TBC1D8: variants seen among roughly 807,000 people sequenced by gnomAD.
TBC1D8 encodes the protein TBC1 domain family member 8, also known as BUB2-like protein 1.
In TBC1D8, 65 loss-of-function variants were observed where a neutral mutation model predicts 118.8. The ratio of observed to expected loss-of-function variants is 0.55; its 90% CI spans 0.45 to 0.67. TBC1D8 has a LOEUF of 0.67. TBC1D8 is among the 30% of genes least tolerant of loss of function. The pLI, the probability that TBC1D8 is intolerant of heterozygous loss-of-function variation, is 0.00. For missense variants in TBC1D8, 1,376 were observed against 1,471.2 expected, an observed-to-expected ratio of 0.94 and a Z score of 1.06; for synonymous variants, 566 against 595.8, an observed-to-expected ratio of 0.95 and a Z score of 0.73.
chr2:101,061,149 T>C (rs13407160), intron 2 of TBC1D8, among the ~76,000 whole-genome samples: 12,334 of 143,350 alleles, frequency 0.086, 1,507 homozygotes, highest in African/African-American at 0.27. Flanking sequence ...GATCACGCCA[T>C]TGCAATCCAG....
intron 17 of TBC1D8, 26 bp downstream of exon 17, chr2:101,021,655 T>G (rs371295617): frequency 6.6e-7 from 1 of 1,515,318 alleles, no homozygotes; most frequent in South Asian, 1.2e-5. Flanking sequence ...GAGCACAGTC[T>G]GATTTTGCTA....
intron 15 of TBC1D8, chr2:101,024,141 A>G (rs1163205532): frequency 6.6e-6 from 1 of 152,294 alleles, no homozygotes; most frequent in Non-Finnish European, 1.5e-5. Flanking sequence ...GACAAATATT[A>G]GTTTACATAG....
chr2:101,102,042 G>A (rs1385968212), intron 1 of TBC1D8, among the ~76,000 whole-genome samples: 1 of 149,592 alleles, frequency 6.7e-6, no homozygotes, highest in Non-Finnish European at 1.5e-5. Context: ...AAAGAGGAGG[G>A]GAGTGGAGAG....
intron 5 of TBC1D8, among the ~76,000 whole-genome samples, chr2:101,041,421 G>A (rs1314191141): frequency 2.0e-5 from 3 of 152,128 alleles, no homozygotes; most frequent in Non-Finnish European, 4.4e-5. Context: ...ACTGAGTGAA[G>A]TAAACCAGAC....
intron 1 of TBC1D8, among the ~76,000 whole-genome samples, chr2:101,112,623 G>A (rs1031905003): frequency 2.0e-5 from 3 of 152,182 alleles, no homozygotes; most frequent in Non-Finnish European, 4.4e-5. Flanking sequence ...TTCCCTGGAC[G>A]TTGAGGTGCC....
intron 18 of TBC1D8, 69 bp downstream of exon 18, chr2:101,011,382 G>A: frequency 6.6e-7 from 1 of 1,503,852 alleles, no homozygotes; most frequent in South Asian, 1.1e-5. Context: ...GAGGGATGAG[G>A]GCAACCCCGG....
At chr2:101,061,995 G>A (rs944016160) in intron 2 of TBC1D8, among the ~76,000 whole-genome samples, 4 of 152,214 alleles carry the variant, frequency 2.6e-5, no homozygotes, top group Admixed American at 2.6e-4. Context: ...CGTAACACAC[G>A]CCATGCTGGC....
At position 101,040,264 on chromosome 2, in the gene TBC1D8, T is replaced by C. The variant is rs2289953; in HGVS notation, c.994A>G (p.Thr332Ala). Residue 332 changes from threonine (T) to alanine (A), a missense_variant, in exon 6 of 20, where the codon ACG becomes GCG. By Grantham distance (58) the Thr-to-Ala change is moderately conservative (BLOSUM62 0). Coordinates refer to ENST00000409318, the MANE Select transcript of TBC1D8 (RefSeq NM_001330348.2). ...CTGTCAGAGGCGAACATCCGCCCCG[T>C]GGTGTGACAGCGACTGAACGGCGTC... Reference protein sequence around the residue: ...LWTPFSRCHTTGRMFASDSYI... With the variant: ...LWTPFSRCHTAGRMFASDSYI... The C allele has an allele frequency of 0.64, 1,026,974 of 1,613,712 alleles. 332,698 individuals carry two copies. The highest frequency in any genetic ancestry group is 0.69 in the Middle Eastern group (4,155 of 6,058).
At chr2:101,120,090 C>A (rs1395482243) in intron 1 of TBC1D8, among the ~76,000 whole-genome samples, 1 of 152,160 alleles carries the variant, frequency 6.6e-6, no homozygotes, top group Non-Finnish European at 1.5e-5. Flanking sequence ...GACTCCACCA[C>A]CACCAACACC....
intron 2 of TBC1D8, among the ~76,000 whole-genome samples, chr2:101,075,824 T>G (rs77545608): frequency 6.6e-6 from 1 of 152,128 alleles, no homozygotes; most frequent in South Asian, 2.1e-4. Context: ...CAGAAGATGG[T>G]TCAATCTACA....
chr2:101,047,448 C>T (rs76253141), intron 5 of TBC1D8, among the ~76,000 whole-genome samples: 4,886 of 152,278 alleles, frequency 0.032, 215 homozygotes, highest in East Asian at 0.2. Flanking sequence ...AGCCAGGGAG[C>T]GAGCATGAAG....
chr2:101,018,984 TATTTCTGTGCTA>T (rs1462845871), intron 17 of TBC1D8: 2 of 1,611,202 alleles, frequency 1.2e-6, no homozygotes, highest in Non-Finnish European at 1.7e-6. Flanking sequence ...TCATCTGTAA[TATTTCTGTGCTA>T]GTTTCTGTGC....
At chr2:101,127,789 T>G (rs1403553828) in intron 1 of TBC1D8, among the ~76,000 whole-genome samples, 1 of 152,178 alleles carries the variant, frequency 6.6e-6, no homozygotes, top group Non-Finnish European at 1.5e-5. Flanking sequence ...TGGAGGAAGT[T>G]GGTGGAGGAT....
intron 2 of TBC1D8, among the ~76,000 whole-genome samples, chr2:101,075,487 A>G (rs565630974): frequency 6.6e-6 from 1 of 152,200 alleles, no homozygotes; most frequent in African/African-American, 2.4e-5. Flanking sequence ...TAATTCCCAC[A>G]ATTCCCACGT....
rs569408617 is a variant in TBC1D8, at chr2:101,128,905, ATGGTTACCATAGAGGGAGGGAGCAG to A, written c.127+22197_127+22221del. 3.3e-3 allele frequency among the ~76,000 whole-genome samples: 496 copies of A among 152,242 alleles called. 6 individuals carry two copies. Among genetic ancestry groups the A allele is most frequent in the African/African-American group, 0.011 (474 of 41,528 alleles). ...AAATTCAGAGACAGAAAGTAGAATG[ATGGTTACCATAGAGGGAGGGAGCAG>A]TGGTTACCATAGAGGGAGGGAGCAG... On this transcript the variant is annotated intron_variant, in intron 1 of 19. Coordinates refer to ENST00000409318, the MANE Select transcript of TBC1D8 (RefSeq NM_001330348.2).
chr2:101,034,649 G>A (rs761476283), intron 9 of TBC1D8, among the ~76,000 whole-genome samples: 3 of 152,210 alleles, frequency 2.0e-5, no homozygotes, highest in South Asian at 2.1e-4. Flanking sequence ...GTGTGTGCAC[G>A]TGTGTGTGCA....
intron 11 of TBC1D8, 114 bp from the exon 12 acceptor site, chr2:101,029,890 G>C: frequency 8.9e-7 from 1 of 1,129,834 alleles, no homozygotes; most frequent in Non-Finnish European, 1.2e-6. Context: ...TTTGAGTCCA[G>C]AAAAGCGTCC....
At chr2:101,148,701 GT>G (rs1679421922) in intron 1 of TBC1D8, among the ~76,000 whole-genome samples, 1 of 152,134 alleles carries the variant, frequency 6.6e-6, no homozygotes, top group African/African-American at 2.4e-5. Context: ...GAAAAGAGAT[GT>G]TTATTGATTA....
chr2:101,041,187 T>C (rs1340701221), intron 5 of TBC1D8, among the ~76,000 whole-genome samples: 2 of 152,216 alleles, frequency 1.3e-5, no homozygotes, highest in Non-Finnish European at 2.9e-5. Flanking sequence ...ATTCCACTCC[T>C]AGGTAGATAT....
Sources: gnomAD v4.1 joint callset for allele counts (sites outside exome capture counted in the v4.1 genomes callset) on GRCh38, gnomAD v4.1.1 for gene constraint, MANE v1.5 for transcripts, NCBI Gene and HGNC (gene_info 2026-07-23, HGNC 2026-07-21) for gene names.